The following SLC17A8 variants were observed in gnomAD, a reference collection of about 807,000 sequenced individuals.
The protein encoded by SLC17A8 is solute carrier family 17 member 8.
SLC17A8 carries 31 observed loss-of-function variants against 58.0 expected under a neutral mutation model. The observed-to-expected ratio is 0.53, with a 90% CI of 0.40 to 0.72. The LOEUF is 0.72. SLC17A8 is among the 30% of genes least tolerant of loss of function. SLC17A8 has a pLI of 0.00. For synonymous variants in SLC17A8, 228 were observed against 249.0 expected (o/e 0.92, Z 0.79); for missense variants, 655 against 727.8 (o/e 0.90, Z 1.15).
rs1332871697 is a variant in SLC17A8 at position 100,357,344 on chromosome 12, A to G, written c.-48A>G. 1.9e-6 allele frequency: 2 copies of G among 1,040,314 alleles called. No individual in the cohort carries two copies. Among genetic ancestry groups the G allele is most frequent in the Admixed American group, 3.4e-5 (2 of 59,274 alleles). The allele number at this position is 1,040,314 out of a possible 1,614,324, so 64.4% of individuals were successfully genotyped here. A position where few individuals can be genotyped will look rare whatever the true frequency, so the allele number is the denominator to read the frequency against. The stretch of plus-strand genomic sequence containing the variant: ...CACACTGGAAATGAGGAAGGATGAC[A>G]GTTTTTGAGACTGACTGTTAACGGC... On this transcript the variant is annotated 5_prime_UTR_variant, in exon 1 of 12. Coordinates refer to ENST00000323346, the MANE Select transcript of SLC17A8 (RefSeq NM_139319.3).
intron 9 of SLC17A8, among the ~76,000 whole-genome samples, chr12:100,406,996 C>T (rs1593004946): frequency 6.6e-6 from 1 of 152,150 alleles, no homozygotes; most frequent in African/African-American, 2.4e-5. Context: ...TTTCTAAATT[C>T]TCAGAGCCAA....
chr12:100,364,047 C>CAAAAAAAAA (rs3057169), intron 1 of SLC17A8, among the ~76,000 whole-genome samples: 1 of 52,990 alleles, frequency 1.9e-5, no homozygotes, highest in Non-Finnish European at 3.7e-5. Context: ...GATTCCATCT[C>CAAAAAAAAA]AAAAAAAAAA....
intron 5 of SLC17A8, among the ~76,000 whole-genome samples, chr12:100,399,581 T>C (rs373344338): frequency 4.6e-5 from 7 of 151,860 alleles, no homozygotes; most frequent in Admixed American, 1.3e-4. Flanking sequence ...TCTTACATGG[T>C]GGCAGAAGAG....
chr12:100,408,584 G>C (rs2136011042), intron 9 of SLC17A8, among the ~76,000 whole-genome samples: 1 of 151,994 alleles, frequency 6.6e-6, no homozygotes, highest in East Asian at 1.9e-4. Context: ...TATTTTAACT[G>C]TCAGTAGAAA....
intron 1 of SLC17A8, among the ~76,000 whole-genome samples, chr12:100,370,156 G>C (rs1365350934): frequency 6.6e-6 from 1 of 152,036 alleles, no homozygotes; most frequent in East Asian, 1.9e-4. Context: ...GTCTTACTAT[G>C]TTGCCCAGGC....
chr12:100,374,990 C>G (rs1952584601), intron 1 of SLC17A8, among the ~76,000 whole-genome samples: 1 of 151,850 alleles, frequency 6.6e-6, no homozygotes, highest in Non-Finnish European at 1.5e-5. Flanking sequence ...TTGATCGTTA[C>G]TTTCCCCTTC....
At chr12:100,403,565 A>C (rs1442664763) in intron 8 of SLC17A8, among the ~76,000 whole-genome samples, 1 of 152,166 alleles carries the variant, frequency 6.6e-6, no homozygotes, top group Non-Finnish European at 1.5e-5. Context: ...TGTTTTAGGG[A>C]GGAAGGGTGT....
In SLC17A8 at chr12:100,418,307, T is replaced by C. The variant is rs1236139232; in HGVS notation, c.1425+151T>C. 16 of 960,192 alleles carry C rather than the reference T, an allele frequency of 1.7e-5. No individual in the cohort carries two copies. The Admixed American group carries it at 2.1e-4, about 13-fold the overall frequency. The allele number at this position is 960,192 out of a possible 1,614,324, so 59.5% of individuals were successfully genotyped here. A position where few individuals can be genotyped will look rare whatever the true frequency, so the allele number is the denominator to read the frequency against. ...GAACTTCTTTTTTTTTTCTTCCTTC[T>C]TCTGATTTTCAAATCATTGCTTATC... On this transcript the variant is annotated intron_variant, in intron 11 of 11. Transcript: ENST00000323346.
At chr12:100,359,817 C>T (rs954841842) in intron 1 of SLC17A8, among the ~76,000 whole-genome samples, 5 of 152,174 alleles carry the variant, frequency 3.3e-5, no homozygotes, top group African/African-American at 1.2e-4. Context: ...GCATTTCCCT[C>T]TCATTTCACT....
intron 1 of SLC17A8, among the ~76,000 whole-genome samples, chr12:100,368,812 C>T (rs950518243): frequency 6.6e-6 from 1 of 152,182 alleles, no homozygotes; most frequent in African/African-American, 2.4e-5. Context: ...GATTCAATAC[C>T]TACAGAGTAA....
chr12:100,370,612 T>TAA (rs61103377), intron 1 of SLC17A8, among the ~76,000 whole-genome samples: 4,797 of 126,520 alleles, frequency 0.038, 222 homozygotes, highest in African/African-American at 0.12. Flanking sequence ...ATCTAAATTC[T>TAA]AAAAAAAAAA....
At chr12:100,358,916 A>G (rs1211898948) in intron 1 of SLC17A8, among the ~76,000 whole-genome samples, 4 of 152,120 alleles carry the variant, frequency 2.6e-5, no homozygotes, top group Admixed American at 6.6e-5. Context: ...CGGAAGTGGG[A>G]GGATCGCTTG....
chr12:100,389,588 CATTATATAT>C (rs1463358465), intron 2 of SLC17A8, among the ~76,000 whole-genome samples: 2 of 151,178 alleles, frequency 1.3e-5, no homozygotes, highest in African/African-American at 4.9e-5. Flanking sequence ...TATACACACA[CATTATATAT>C]ATTATATATA....
intron 9 of SLC17A8, among the ~76,000 whole-genome samples, chr12:100,407,468 G>A (rs1952834149): frequency 1.3e-5 from 2 of 152,232 alleles, no homozygotes; most frequent in South Asian, 2.1e-4. Context: ...AGTGCCTGTT[G>A]AGAGGAAATA....
intron 1 of SLC17A8, among the ~76,000 whole-genome samples, chr12:100,368,075 C>T (rs191278055): frequency 1.3e-5 from 2 of 152,212 alleles, no homozygotes; most frequent in African/African-American, 2.4e-5. Flanking sequence ...TGGGACCATG[C>T]CCCCTTTATT....
At chr12:100,371,627 A>G (rs1163188840) in intron 1 of SLC17A8, among the ~76,000 whole-genome samples, 3 of 152,128 alleles carry the variant, frequency 2.0e-5, no homozygotes, top group Non-Finnish European at 1.5e-5. Flanking sequence ...AGTTCACTGC[A>G]ACCGCCACCT....
intron 1 of SLC17A8, among the ~76,000 whole-genome samples, chr12:100,372,396 G>A (rs1952564557): frequency 6.6e-6 from 1 of 152,062 alleles, no homozygotes; most frequent in South Asian, 2.1e-4. Flanking sequence ...CACCCAGCCT[G>A]GAGTGCAGTG....
intron 1 of SLC17A8, among the ~76,000 whole-genome samples, chr12:100,378,467 A>G (rs1055500490): frequency 2.0e-5 from 3 of 152,080 alleles, no homozygotes; most frequent in Non-Finnish European, 4.4e-5. Flanking sequence ...GAAGACAGTC[A>G]TTTCTTTCTT....
chr12:100,401,643 G>A (rs568323176), intron 5 of SLC17A8, 134 bp from the exon 6 acceptor site: 3 of 768,854 alleles, frequency 3.9e-6, no homozygotes. Flanking sequence ...CTGGGAGTTT[G>A]CCTGTCTCTG....
Sources: gnomAD v4.1 joint callset for allele counts (sites outside exome capture counted in the v4.1 genomes callset) on GRCh38, gnomAD v4.1.1 for gene constraint, MANE v1.5 for transcripts, NCBI Gene and HGNC (gene_info 2026-07-23, HGNC 2026-07-21) for gene names.